ARHGAP39: variants seen among roughly 807,000 people sequenced by gnomAD.
ARHGAP39 encodes the protein Rho GTPase activating protein 39.
A neutral mutation model predicts 106.9 loss-of-function variants in ARHGAP39; 44 were observed. The observed-to-expected ratio is 0.41, with a 90% CI of 0.32 to 0.53. The LOEUF is 0.53. Ranked by LOEUF, ARHGAP39 falls within the 20% of genes least tolerant of loss-of-function variation. The pLI, the probability that ARHGAP39 is intolerant of heterozygous loss-of-function variation, is 0.21. For synonymous variants in ARHGAP39, 768 were observed against 693.2 expected (o/e 1.11, Z -1.69); for missense variants, 1,496 against 1,577.3 (o/e 0.95, Z 0.87).
the ARHGAP39 span, among the ~76,000 whole-genome samples, chr8:144,699,571 G>A: frequency 2.1e-5 from 3 of 145,840 alleles, no homozygotes; most frequent in Non-Finnish European, 3.0e-5. Context: ...GGGAGGCTTA[G>A]GGGGCTGGTG....
chr8:144,579,609 G>A (rs1251070619), intron 3 of ARHGAP39, among the ~76,000 whole-genome samples: 3 of 152,212 alleles, frequency 2.0e-5, no homozygotes, highest in Non-Finnish European at 4.4e-5. Context: ...CTGCCAGACC[G>A]GGTCCACGGG....
At chr8:144,687,566 CGGT>C (rs1324957523), upstream of ARHGAP39, among the ~76,000 whole-genome samples, 1 of 39,854 alleles carries the variant, frequency 2.5e-5, no homozygotes, top group East Asian at 9.1e-4. Context: ...CACACACTGG[CGGT>C]GAGCAGTTCC....
chr8:144,607,082 G>A (rs557848699), intron 1 of ARHGAP39, among the ~76,000 whole-genome samples: 10 of 151,656 alleles, frequency 6.6e-5, no homozygotes, highest in Admixed American at 5.9e-4. Flanking sequence ...TCTGACAAAG[G>A]GCCACATCAG....
rs762118130 is a variant in ARHGAP39 at position 144,547,548 on chromosome 8, G to A, written c.1538C>T (p.Pro513Leu). Residue 513 changes from proline to leucine, a missense_variant, in exon 5 of 12, where the codon CCC (proline) becomes CTC (leucine). This residue lies in a region of ARHGAP39 where 905 missense variants were observed against 816.4 expected (regional missense o/e 1.11). Coordinates refer to ENST00000377307, the MANE Select transcript of ARHGAP39 (RefSeq NM_025251.3). This position sits in a 1 kb window ranked among gnomAD's most constrained non-coding sequence, Gnocchi z 5.2. ...GGGCTGCTCCACAAGCAGGTCCCCG[G>A]GGCCCTCAGTGGGGGTGGCGCTGGT... ...QATSATPTEG[P>L]GDLLVEQPLA... The A allele has an allele frequency of 3.4e-6, 5 of 1,474,954 alleles. No homozygotes were observed. In the Admixed American group the frequency reaches 7.0e-5, roughly 21 times the overall value. The allele number at this position is 1,474,954 out of a possible 1,614,324, so 91.4% of individuals were successfully genotyped here.
intron 2 of ARHGAP39, among the ~76,000 whole-genome samples, chr8:144,601,413 C>T (rs1402475559): frequency 9.3e-6 from 1 of 107,622 alleles, no homozygotes; most frequent in East Asian, 3.1e-4. Context: ...TACCTGCGTG[C>T]ATGGAGGCGT....
intron 2 of ARHGAP39, among the ~76,000 whole-genome samples, chr8:144,584,685 C>T (rs1819116661): frequency 6.6e-6 from 1 of 152,184 alleles, no homozygotes; most frequent in Admixed American, 6.5e-5. Flanking sequence ...ATCCCTTGAA[C>T]CCGGGAGGCA....
At chr8:144,601,131 GGCGT>G (rs1819900690) in intron 2 of ARHGAP39, among the ~76,000 whole-genome samples, 1 of 142,556 alleles carries the variant, frequency 7.0e-6, no homozygotes. Flanking sequence ...TGTGCATGGA[GGCGT>G]GCATGTGTGC....
chr8:144,637,540 G>A (rs1821202120), intron 1 of ARHGAP39, among the ~76,000 whole-genome samples: 1 of 152,200 alleles, frequency 6.6e-6, no homozygotes. Flanking sequence ...AACCCGGGAG[G>A]CAGAGGTTGC....
Position 144,535,504 on chromosome 8 carries a change from A to T in ARHGAP39, c.2615-1302T>A, listed in dbSNP as rs1816918760. Among the ~76,000 whole-genome samples, 3 of 152,210 alleles carry T rather than the reference A, an allele frequency of 2.0e-5. 1 individual carries two copies. The South Asian group carries it at 6.2e-4, about 31-fold the overall frequency. On this transcript the variant is annotated intron_variant, in intron 7 of 11. Transcript: ENST00000377307. ...AATGGATGGTGCCCACGCACACTGG[A>T]CCCAGGCTTCAGAGCCTCAAGAAGG...
chr8:144,555,317 G>A (rs1047217818), intron 4 of ARHGAP39, among the ~76,000 whole-genome samples: 6 of 152,260 alleles, frequency 3.9e-5, no homozygotes, highest in Non-Finnish European at 7.3e-5. Flanking sequence ...GGGAAGCACC[G>A]CAGGCTCCAG....
chr8:144,620,692 A>T (rs1243605889), intron 1 of ARHGAP39, among the ~76,000 whole-genome samples: 1 of 152,196 alleles, frequency 6.6e-6, no homozygotes, highest in African/African-American at 2.4e-5. Context: ...CTCCAAACCC[A>T]ATTCAGGTCC....
At position 144,581,272 on chromosome 8, in the gene ARHGAP39, T is replaced by G; in HGVS notation, c.86A>C (p.Glu29Ala). The change falls in exon 3 of 12, where the codon GAG becomes GCG. Residue 29 changes from glutamate (E) to alanine (A), a missense_variant. Transcript: ENST00000377307. ...GCGCGGTTCGATGATCTCCACCCAC[T>G]CCAACCTGGGGAGAGACAGGGTTAA... ...SRIPGSNTRLEWVEIIEPRTR... is the reference protein window; with the variant it reads ...SRIPGSNTRLAWVEIIEPRTR... 1 of 1,545,670 alleles carries G rather than the reference T, an allele frequency of 6.5e-7. No individual in the cohort carries two copies. The highest frequency in any genetic ancestry group is 1.4e-5 in the African/African-American group (1 of 73,230).
chr8:144,621,945 T>C (rs1047954432), intron 1 of ARHGAP39, among the ~76,000 whole-genome samples: 1 of 152,228 alleles, frequency 6.6e-6, no homozygotes, highest in Non-Finnish European at 1.5e-5. Flanking sequence ...TCAGAAGAGC[T>C]GAGTGACTGC....
intron 5 of ARHGAP39, among the ~76,000 whole-genome samples, chr8:144,546,414 G>A (rs1817423440): frequency 6.6e-6 from 1 of 152,126 alleles, no homozygotes; most frequent in Admixed American, 6.5e-5. Context: ...CTCCACCCTG[G>A]AGACCACGAA....
intron 4 of ARHGAP39, among the ~76,000 whole-genome samples, chr8:144,551,613 C>A (rs1817693001): frequency 6.6e-6 from 1 of 152,138 alleles, no homozygotes; most frequent in Non-Finnish European, 1.5e-5. Flanking sequence ...TGCCCTGCCC[C>A]ACCCACCCTT....
At chr8:144,699,003 T>C in the ARHGAP39 span, 3 of 396,304 alleles carry the variant, frequency 7.6e-6, no homozygotes, top group South Asian at 3.6e-5. Flanking sequence ...GGCCCATCCA[T>C]AGCATTCTGC....
chr8:144,585,542 T>G lies in ARHGAP39; in HGVS notation c.81-4265A>C. ...GGCAACTCTCCCTGGAGACAACCCTTGGCCTCAGCCCATGATACAAAGTGT... is the reference window on the plus strand; with the variant it reads ...GGCAACTCTCCCTGGAGACAACCCTGGGCCTCAGCCCATGATACAAAGTGT... On this transcript the variant is annotated intron_variant, in intron 2 of 11. Coordinates refer to ENST00000377307, the MANE Select transcript of ARHGAP39 (RefSeq NM_025251.3). This position sits in a 1 kb window ranked among gnomAD's most constrained non-coding sequence, Gnocchi z 4.6. 6.6e-6 allele frequency among the ~76,000 whole-genome samples: 1 copy of G among 152,024 alleles called. No homozygotes were observed. The highest frequency in any genetic ancestry group is 1.9e-4 in the East Asian group (1 of 5,150).
chr8:144,561,880 A>ACACTCCAGTGGTTTCCATCG (rs1564848879), intron 3 of ARHGAP39, among the ~76,000 whole-genome samples: 4 of 122,016 alleles, frequency 3.3e-5, no homozygotes, highest in African/African-American at 9.8e-5. Context: ...GGTTTCCATC[A>ACACTCCAGTGGTTTCCATCG]CACTCCAGTG....
In ARHGAP39 at chr8:144,530,413, G is replaced by C. The variant is rs755419370; in HGVS notation, c.*9C>G. The C allele has an allele frequency of 6.3e-7, 1 of 1,586,148 alleles. No individual in the cohort carries two copies. The stretch of plus-strand genomic sequence containing the variant: ...GGCAGGACATCCCTCCTGTCCCCGG[G>C]CGCCCCCGCTACAGCACACCCTCCA... On this transcript the variant is annotated 3_prime_UTR_variant, in exon 12 of 12. Transcript: ENST00000377307.
Sources: allele counts gnomAD v4.1 joint callset (sites outside exome capture counted in the v4.1 genomes callset), GRCh38; gene constraint gnomAD v4.1.1; regional missense constraint gnomAD v4.1.1; non-coding constraint Gnocchi (gnomAD v3.1); transcripts MANE v1.5; gene names NCBI Gene and HGNC (gene_info 2026-07-23, HGNC 2026-07-21).